The following NEK11 variants were observed in gnomAD, a reference collection of about 807,000 sequenced individuals.
NEK11 encodes the protein NIMA related kinase 11, also known as serine/threonine-protein kinase Nek11.
In NEK11, 72 loss-of-function variants were observed where a neutral mutation model predicts 80.7. That is an observed-to-expected ratio of 0.89 (90% CI 0.74 to 1.08). The LOEUF (loss-of-function observed/expected upper bound fraction) is 1.08, where lower values mean the gene tolerates loss of function less well. NEK11 is among the 50% of genes least tolerant of loss of function. The pLI, the probability that NEK11 is intolerant of heterozygous loss-of-function variation, is 0.00. For synonymous variants in NEK11, 251 were observed against 260.7 expected (o/e 0.96, Z 0.36); for missense variants, 764 against 763.6 (o/e 1.00, Z -0.01).
chr3:131,262,360 A>G (rs1030085590), intron 16 of NEK11, among the ~76,000 whole-genome samples: 4 of 152,200 alleles, frequency 2.6e-5, no homozygotes, highest in Non-Finnish European at 5.9e-5. Context: ...GTCTCTAAAC[A>G]TAAATACACA....
chr3:131,141,302 G>A (rs1049329086), intron 7 of NEK11, among the ~76,000 whole-genome samples: 16 of 152,184 alleles, frequency 1.1e-4, no homozygotes, highest in Admixed American at 2.6e-4. Context: ...GCTGGGGATA[G>A]GGGTAGAGAG....
intron 3 of NEK11, among the ~76,000 whole-genome samples, chr3:131,078,073 T>A (rs1310914220): frequency 6.6e-6 from 1 of 152,188 alleles, no homozygotes; most frequent in East Asian, 1.9e-4. Context: ...GCCTGTGAGG[T>A]TCCTGAGGCA....
chr3:131,348,131 CATAT>C (rs1312571299), intron 17 of NEK11, among the ~76,000 whole-genome samples: 11 of 152,072 alleles, frequency 7.2e-5, no homozygotes, highest in Non-Finnish European at 1.3e-4. Flanking sequence ...CATAAGTACA[CATAT>C]AAATTTTTAG....
chr3:131,081,119 CAAAA>C lies in NEK11; in HGVS notation c.336+534_336+537del, dbSNP rs1470678451. ...AGTGAGACCCTATCTCTAAGAAAAA[CAAAA>C]AACAAAAAGGAGAAATTACTGCAGA... On this transcript the variant is annotated intron_variant, in intron 4 of 17. Transcript: ENST00000383366. Among the ~76,000 whole-genome samples the C allele has an allele frequency of 2.0e-5, 3 of 151,926 alleles. No homozygotes were observed. In the East Asian group the frequency reaches 5.8e-4, roughly 29 times the overall value.
intron 16 of NEK11, among the ~76,000 whole-genome samples, chr3:131,271,712 T>C (rs1424223337): frequency 6.6e-6 from 1 of 151,926 alleles, no homozygotes; most frequent in Admixed American, 6.6e-5. Flanking sequence ...GGAGAATTGC[T>C]TGAACCCAGG....
At chr3:131,279,551 A>G (rs1366568449) in intron 17 of NEK11, among the ~76,000 whole-genome samples, 1 of 152,184 alleles carries the variant, frequency 6.6e-6, no homozygotes, top group Non-Finnish European at 1.5e-5. Context: ...CAAGATTATT[A>G]TAGAACGGTT....
At chr3:131,328,013 G>A (rs1449382767) in intron 17 of NEK11, among the ~76,000 whole-genome samples, 1 of 151,844 alleles carries the variant, frequency 6.6e-6, no homozygotes, top group Admixed American at 6.5e-5. Flanking sequence ...GCCAAGCATG[G>A]TGCCTCATGC....
rs140758348 is a variant in NEK11, at chr3:131,267,829, G to T, written c.1622-5649G>T. ...TTTGAAAGTTGGCCTCTCTTGCTAGGTTGGGGAAGTTCTCCTGGATAATAT... is the reference window on the plus strand; with the variant it reads ...TTTGAAAGTTGGCCTCTCTTGCTAGTTTGGGGAAGTTCTCCTGGATAATAT... On this transcript the variant is annotated intron_variant, in intron 16 of 17. Transcript: ENST00000383366. 4.3e-4 allele frequency among the ~76,000 whole-genome samples: 66 copies of T among 152,252 alleles called. 1 individual carries two copies. The highest frequency in any genetic ancestry group is 1.5e-3 in the African/African-American group (64 of 41,548).
chr3:131,090,203 C>A (rs1475997711), intron 4 of NEK11, among the ~76,000 whole-genome samples: 4 of 152,042 alleles, frequency 2.6e-5, no homozygotes, highest in Admixed American at 2.6e-4. Context: ...TTGGGTTGTT[C>A]TTCATTTCTT....
intron 3 of NEK11, among the ~76,000 whole-genome samples, chr3:131,054,946 C>T (rs2069168784): frequency 6.6e-6 from 1 of 152,032 alleles, no homozygotes; most frequent in Non-Finnish European, 1.5e-5. Flanking sequence ...CCTGCTTTTT[C>T]CTTTTTTCTG....
intron 17 of NEK11, among the ~76,000 whole-genome samples, chr3:131,324,149 T>C (rs1216694698): frequency 6.6e-6 from 1 of 152,154 alleles, no homozygotes; most frequent in Non-Finnish European, 1.5e-5. Flanking sequence ...TTATGGCCAA[T>C]GGGCATGGCG....
intron 16 of NEK11, among the ~76,000 whole-genome samples, chr3:131,247,407 T>G (rs1308174281): frequency 6.6e-6 from 1 of 152,136 alleles, no homozygotes; most frequent in African/African-American, 2.4e-5. Flanking sequence ...TTTGTTTGCT[T>G]TGTTGAATAT....
At chr3:131,031,214 T>C (rs2064792845) in intron 3 of NEK11, among the ~76,000 whole-genome samples, 1 of 152,236 alleles carries the variant, frequency 6.6e-6, no homozygotes. Flanking sequence ...TGTAATTATC[T>C]AGAATTTATA....
At chr3:131,290,045 C>T (rs1180657031) in intron 17 of NEK11, among the ~76,000 whole-genome samples, 1 of 152,182 alleles carries the variant, frequency 6.6e-6, no homozygotes, top group Non-Finnish European at 1.5e-5. Context: ...GTGAGTTTTC[C>T]AGGAGGTCTG....
intron 14 of NEK11, among the ~76,000 whole-genome samples, chr3:131,198,224 C>T (rs146756468): frequency 0.013 from 2,016 of 152,238 alleles, 40 homozygotes; most frequent in African/African-American, 0.045. Context: ...GCATACCCTG[C>T]TTTTCAAAGT....
At chr3:131,115,219 T>C (rs1398826092) in intron 5 of NEK11, among the ~76,000 whole-genome samples, 2 of 152,126 alleles carry the variant, frequency 1.3e-5, no homozygotes, top group Admixed American at 1.3e-4. Context: ...AGACATCTCA[T>C]CTCCTACCCT....
chr3:131,108,677 G>A lies in NEK11; in HGVS notation c.337-1126G>A, dbSNP rs150997664. Among the ~76,000 whole-genome samples, 508 of 152,156 alleles carry A rather than the reference G, an allele frequency of 3.3e-3. 2 individuals carry two copies. The highest frequency in any genetic ancestry group is 0.011 in the African/African-American group (466 of 41,522). On this transcript the variant is annotated intron_variant, in intron 4 of 17. Coordinates refer to ENST00000383366, the MANE Select transcript of NEK11 (RefSeq NM_024800.5). ...TGTTTGTCATTTTTGATCATAGTTA[G>A]TTTTTGGCCTTAATAATAAGTATTA...
Position 131,080,538 on chromosome 3 carries a change from G to A in NEK11, c.286G>A (p.Ala96Thr). ...CCACCCAGCCATTGTCAAGTTCCATGCAAGTTTTGTGGAGCAAGATAATTT... is the reference window on the plus strand; with the variant it reads ...CCACCCAGCCATTGTCAAGTTCCATACAAGTTTTGTGGAGCAAGATAATTT... ...LDHPAIVKFH[A>T]SFVEQDNFCI... Residue 96 changes from alanine (A) to threonine (T), a missense_variant, in exon 4 of 18, where the codon GCA (alanine) becomes ACA (threonine). Coordinates refer to ENST00000383366, the MANE Select transcript of NEK11 (RefSeq NM_024800.5). 1.9e-6 allele frequency: 3 copies of A among 1,613,926 alleles called. No individual in the cohort carries two copies. The highest frequency in any genetic ancestry group is 2.5e-6 in the Non-Finnish European group (3 of 1,179,960).
At chr3:131,115,349 C>G (rs544638669) in intron 5 of NEK11, among the ~76,000 whole-genome samples, 2 of 152,076 alleles carry the variant, frequency 1.3e-5, no homozygotes, top group South Asian at 4.1e-4. Flanking sequence ...GACTTCTCAG[C>G]CTCCCTAATT....
Sources: gnomAD v4.1 joint callset for allele counts (sites outside exome capture counted in the v4.1 genomes callset) on GRCh38, gnomAD v4.1.1 for gene constraint, MANE v1.5 for transcripts, NCBI Gene and HGNC (gene_info 2026-07-23, HGNC 2026-07-21) for gene names.